Variants in POLN observed in about 807,000 individuals in gnomAD.
POLN encodes the protein DNA polymerase N.
Under a neutral mutation model 113.5 loss-of-function variants are expected in POLN, and 108 were observed. The ratio of observed to expected loss-of-function variants is 0.95; its 90% CI spans 0.81 to 1.12. The LOEUF (loss-of-function observed/expected upper bound fraction) is 1.12. Ranked by LOEUF, POLN falls within the 50% of genes most tolerant of loss-of-function variation. POLN has a pLI of 0.00. For missense variants in POLN, 1,097 were observed against 1,077.1 expected (o/e 1.02, Z -0.26); for synonymous variants, 386 against 391.5 (o/e 0.99, Z 0.17).
intron 19 of POLN, among the ~76,000 whole-genome samples, chr4:2,100,982 T>A (rs1730908247): frequency 6.6e-6 from 1 of 152,226 alleles, no homozygotes; most frequent in African/African-American, 2.4e-5. Flanking sequence ...CCAGTGGCAG[T>A]GCTGGGGCTC....
chr4:2,233,426 T>C (rs1311085764), intron 2 of POLN, among the ~76,000 whole-genome samples: 8 of 143,458 alleles, frequency 5.6e-5, no homozygotes, highest in African/African-American at 2.0e-4. Flanking sequence ...ATTTTAGTGA[T>C]TCTTGGATGC....
chr4:2,159,008 A>G, intron 14 of POLN, 147 bp downstream of exon 14: 1 of 682,684 alleles, frequency 1.5e-6, no homozygotes, highest in East Asian at 2.8e-5. Context: ...AAACAGTGCC[A>G]GTACAAGGTT....
chr4:2,237,710 G>C (rs1262505145), intron 2 of POLN, among the ~76,000 whole-genome samples: 1 of 152,010 alleles, frequency 6.6e-6, no homozygotes, highest in African/African-American at 2.4e-5. Context: ...GATTAAAAGA[G>C]AAAAACTAAA....
intron 9 of POLN, among the ~76,000 whole-genome samples, 186 bp from the exon 10 acceptor site, chr4:2,174,937 C>T (rs1330199079): frequency 6.6e-6 from 1 of 151,664 alleles, no homozygotes; most frequent in East Asian, 1.9e-4. Flanking sequence ...ATTCTCCTGT[C>T]TCAGCCTCTT....
intron 6 of POLN, among the ~76,000 whole-genome samples, chr4:2,193,905 A>G (rs2108757249): frequency 6.6e-6 from 1 of 152,338 alleles, no homozygotes; most frequent in Middle Eastern, 3.4e-3. Context: ...CACATGTAGT[A>G]CAGTGGGAAG....
intron 21 of POLN, among the ~76,000 whole-genome samples, chr4:2,081,964 T>A (rs1286029931): frequency 6.9e-6 from 1 of 145,058 alleles, no homozygotes; most frequent in Non-Finnish European, 1.5e-5. Context: ...TTTTTTTTTT[T>A]TTTTTTTTGA....
At chr4:2,128,437 G>A (rs1036472899) in intron 18 of POLN, among the ~76,000 whole-genome samples, 3 of 152,202 alleles carry the variant, frequency 2.0e-5, no homozygotes, top group African/African-American at 7.2e-5. Flanking sequence ...TCAGGAGTGA[G>A]TGAGAATGTG....
chr4:2,090,122 AC>A, intron 20 of POLN: 1 of 998,412 alleles, frequency 1.0e-6, no homozygotes, highest in South Asian at 1.6e-5. Flanking sequence ...TGATTTGCTA[AC>A]TGAGGATAAG....
intron 23 of POLN, chr4:2,079,683 C>T (rs888120402): frequency 5.6e-6 from 5 of 889,664 alleles, no homozygotes; most frequent in Non-Finnish European, 6.7e-6. Flanking sequence ...CTCCTGGGTT[C>T]AAGCGATCCT....
At chr4:2,147,124 A>G (rs1232913099) in intron 16 of POLN, among the ~76,000 whole-genome samples, 3 of 152,226 alleles carry the variant, frequency 2.0e-5, no homozygotes, top group African/African-American at 7.2e-5. Flanking sequence ...AAGATACTAA[A>G]GAATTCATAA....
Position 2,208,074 on chromosome 4 carries a change from G to A in POLN, c.627C>T (p.Ser209=), listed in dbSNP as rs765532620. ...CCTGTTTGAGCATTTCAATCAGCTG[G>A]CTTTTTGCCCAATCATCCAAATGCC... The part of the protein sequence containing the change: ...DIRHLDDWAK[S]QLIEMLKQAA... The change falls in exon 5 of 26, where the codon AGC becomes AGT. Residue 209 remains serine (S), a synonymous_variant. Coordinates refer to ENST00000511885, the MANE Select transcript of POLN (RefSeq NM_181808.4). 2 of 1,614,040 alleles carry A rather than the reference G, an allele frequency of 1.2e-6. No individual in the cohort carries two copies. Among genetic ancestry groups the A allele is most frequent in the African/African-American group, 1.3e-5 (1 of 74,916 alleles).
At chr4:2,196,832 T>C (rs915771948) in intron 6 of POLN, among the ~76,000 whole-genome samples, 7 of 152,232 alleles carry the variant, frequency 4.6e-5, no homozygotes, top group African/African-American at 1.7e-4. Flanking sequence ...AGTTTACTTT[T>C]TGTTTGTTCA....
chr4:2,159,702 C>T (rs552518), intron 13 of POLN, among the ~76,000 whole-genome samples: 114,032 of 152,132 alleles, frequency 0.75, 45,486 homozygotes, highest in Non-Finnish European at 0.89. Context: ...ATTCCAATCT[C>T]CCCAGTAGGT....
intron 3 of POLN, among the ~76,000 whole-genome samples, chr4:2,223,762 G>GGTAAAAATACAGT (rs1734319465): frequency 6.6e-6 from 1 of 152,164 alleles, no homozygotes; most frequent in South Asian, 2.1e-4. Flanking sequence ...TCTAAACATA[G>GGTAAAAATACAGT]GTAAAAATAC....
intron 16 of POLN, among the ~76,000 whole-genome samples, chr4:2,145,810 A>G (rs1346894204): frequency 6.6e-6 from 1 of 152,188 alleles, no homozygotes; most frequent in East Asian, 1.9e-4. Context: ...AAACCCTCGC[A>G]CATGTTCATA....
chr4:2,141,795 CCT>C (rs1323132711), intron 16 of POLN, among the ~76,000 whole-genome samples: 7 of 152,222 alleles, frequency 4.6e-5, no homozygotes, highest in African/African-American at 1.7e-4. Context: ...CTTCCAGCCC[CCT>C]CTCAGGCTCC....
At chr4:2,161,139 G>A (rs533061611) in intron 13 of POLN, among the ~76,000 whole-genome samples, 12 of 152,322 alleles carry the variant, frequency 7.9e-5, no homozygotes, top group South Asian at 4.1e-4. Context: ...CGCTCTCGGC[G>A]CCTCCTCTGC....
chr4:2,224,586 A>G (rs1734338712), intron 3 of POLN, among the ~76,000 whole-genome samples: 1 of 152,262 alleles, frequency 6.6e-6, no homozygotes, highest in Middle Eastern at 3.4e-3. Context: ...ATAGCTATAT[A>G]CTATATACAG....
chr4:2,072,968 CT>C lies in POLN; in HGVS notation c.2516del (p.Gln839ArgfsTer6). On this transcript the variant is annotated frameshift_variant and splice_region_variant, in exon 25 of 26. Coordinates refer to ENST00000511885, the MANE Select transcript of POLN (RefSeq NM_181808.4). LOFTEE classifies it low-confidence loss of function (END_TRUNC). ...EQVQALELQL[Q>X]VPLKVSLSAG... The stretch of plus-strand genomic sequence containing the variant: ...CGGGCAGGCTTAAGTGTCCCCTCAC[CT>C]GAAGCTGCAGCTCCAATGCCTGCAC... The C allele has an allele frequency of 6.2e-7, 1 of 1,613,234 alleles. No homozygotes were observed.
Sources: gnomAD v4.1 joint callset for allele counts (sites outside exome capture counted in the v4.1 genomes callset) on GRCh38, gnomAD v4.1.1 for gene constraint, MANE v1.5 for transcripts, NCBI Gene and HGNC (gene_info 2026-07-23, HGNC 2026-07-21) for gene names.